Variants in LBHD1 observed in about 807,000 individuals in gnomAD.
LBHD1 encodes the protein LBH domain-containing protein 1.
Under a neutral mutation model 31.1 loss-of-function variants are expected in LBHD1, and 28 were observed. The observed-to-expected ratio is 0.90, with a 90% CI of 0.67 to 1.24. The LOEUF (loss-of-function observed/expected upper bound fraction) is 1.24, where lower values mean the gene tolerates loss of function less well. LBHD1 is among the 50% of genes most tolerant of loss of function. LBHD1 has a pLI of 0.00. For synonymous variants in LBHD1, 105 were observed against 116.5 expected (o/e 0.90, Z 0.63); for missense variants, 350 against 323.0 (o/e 1.08, Z -0.64).
At chr11:62,663,464 T>C (rs897278560) in intron 5 of LBHD1, 131 bp from the exon 6 acceptor site, 14 of 893,174 alleles carry the variant, frequency 1.6e-5, no homozygotes, top group Non-Finnish European at 2.2e-5. Context: ...CCCAGCACTT[T>C]GGGAGGCCGA....
chr11:62,666,923 G>A (rs778115690), intron 4 of LBHD1: 2 of 1,613,872 alleles, frequency 1.2e-6, no homozygotes, highest in African/African-American at 1.3e-5. Context: ...TCAGTTCTCA[G>A]ATGAGGACCC....
chr11:62,670,312 G>A (rs1216900464), intron 1 of LBHD1: 1 of 439,328 alleles, frequency 2.3e-6, no homozygotes, highest in Non-Finnish European at 4.0e-6. Flanking sequence ...TAACCAACTT[G>A]GAATTTCCTG....
intron 4 of LBHD1, chr11:62,665,361 G>T (rs903471172): frequency 3.3e-6 from 3 of 918,334 alleles, no homozygotes; most frequent in Non-Finnish European, 5.0e-6. Flanking sequence ...GTAGTAGCCA[G>T]ATTGGGCGGC....
intron 4 of LBHD1, chr11:62,665,665 C>T (rs1429262249): frequency 8.8e-6 from 13 of 1,469,878 alleles, no homozygotes; most frequent in African/African-American, 2.8e-5. Flanking sequence ...ACGCTGTATA[C>T]CCTCCTCCAC....
rs76961944 is a variant in LBHD1, at chr11:62,666,322, G to C, written c.538+1201C>G. ...GAGACCCTGTCTCAAAAAAAAAAAA[G>C]ACGCCAGTGTGTATATACGACGTTT... On this transcript the variant is annotated intron_variant, in intron 4 of 6. Transcript: ENST00000354588. 2.2e-6 allele frequency: 3 copies of C among 1,385,680 alleles called. No individual in the cohort carries two copies. The Admixed American group carries it at 5.5e-5, about 25-fold the overall frequency. The allele number at this position is 1,385,680 out of a possible 1,614,324, so 85.8% of individuals were successfully genotyped here.
chr11:62,668,128 T>G (rs898641431), intron 3 of LBHD1: 4 of 185,444 alleles, frequency 2.2e-5, no homozygotes, highest in African/African-American at 7.1e-5. Context: ...CTCAATTTTC[T>G]CATTTATAAA....
At chr11:62,671,393 T>C in intron 1 of LBHD1, 171 bp downstream of exon 1, 1 of 1,264,506 alleles carries the variant, frequency 7.9e-7, no homozygotes, top group South Asian at 1.3e-5. Flanking sequence ...GGGCCTCTAC[T>C]GATCGGGAAA....
At chr11:62,670,346 C>T (rs1008269132) in intron 1 of LBHD1, 5 of 360,606 alleles carry the variant, frequency 1.4e-5, no homozygotes, top group Non-Finnish European at 2.5e-5. Flanking sequence ...CTGATTTTTC[C>T]CAACCTGGTA....
At chr11:62,667,845 C>T (rs1944860921) in intron 3 of LBHD1, 98 bp from the exon 4 acceptor site, 2 of 841,502 alleles carry the variant, frequency 2.4e-6, no homozygotes, top group Admixed American at 2.3e-5. Flanking sequence ...AATCACAGCA[C>T]TTTGGGAGGC....
In LBHD1 at chr11:62,669,816, A is replaced by C; in HGVS notation, c.151-13T>G. On this transcript the variant is annotated splice_polypyrimidine_tract_variant and intron_variant, in intron 2 of 6. Coordinates refer to ENST00000354588, the MANE Select transcript of LBHD1 (RefSeq NM_024099.5). ...TTTGAGAGAAATCCTGAATAGGGACAGCAGGGAGGTTGGGCCAAACTGGAG... is the reference window on the plus strand; with the variant it reads ...TTTGAGAGAAATCCTGAATAGGGACCGCAGGGAGGTTGGGCCAAACTGGAG... 1 of 1,614,222 alleles carries C rather than the reference A, an allele frequency of 6.2e-7. No homozygotes were observed. The highest frequency in any genetic ancestry group is 8.5e-7 in the Non-Finnish European group (1 of 1,180,020).
intron 4 of LBHD1, chr11:62,666,238 A>G: frequency 1.2e-6 from 1 of 805,598 alleles, no homozygotes; most frequent in Non-Finnish European, 2.0e-6. Flanking sequence ...CAGGAGGCTG[A>G]GGTGGAGGCT....
chr11:62,665,314 T>G (rs916179481), intron 4 of LBHD1: 1 of 728,422 alleles, frequency 1.4e-6, no homozygotes, highest in Non-Finnish European at 2.3e-6. Flanking sequence ...CGGGAGGCCT[T>G]TCGGAGGGTG....
chr11:62,665,551 C>A (rs1357510809), intron 4 of LBHD1: 1 of 1,569,796 alleles, frequency 6.4e-7, no homozygotes, highest in African/African-American at 1.3e-5. Context: ...CTGGTTCTAT[C>A]CTCAAACGCC....
In LBHD1 at chr11:62,664,905, CA is replaced by C. The variant is rs1277823056; in HGVS notation, c.606del (p.Gly203ValfsTer88). 1 of 1,598,116 alleles carries C rather than the reference CA, an allele frequency of 6.3e-7. No homozygotes were observed. Among genetic ancestry groups the C allele is most frequent in the South Asian group, 1.1e-5 (1 of 88,900 alleles). ...GCCCTTGGTCTATCACAGCCCCGACCACCCGGTGCCTCAGACGCCGCTCCCG... is the reference window on the plus strand; with the variant it reads ...GCCCTTGGTCTATCACAGCCCCGACCCCCGGTGCCTCAGACGCCGCTCCCG... ...VESGAASEAP[G>X]GRGCDRPRAD... On this transcript the variant is annotated frameshift_variant, in exon 5 of 7. Coordinates refer to ENST00000354588, the MANE Select transcript of LBHD1 (RefSeq NM_024099.5). LOFTEE classifies it high-confidence loss of function.
intron 4 of LBHD1, chr11:62,666,398 T>C: frequency 1.2e-6 from 2 of 1,608,650 alleles, no homozygotes; most frequent in South Asian, 1.1e-5. Context: ...GCCCACAGGC[T>C]CACTGGCTGA....
Position 62,669,713 on chromosome 11 carries a change from C to A in LBHD1, c.241G>T (p.Glu81Ter), listed in dbSNP as rs1440608623. 3.7e-6 allele frequency: 6 copies of A among 1,614,006 alleles called. No individual in the cohort carries two copies. Among genetic ancestry groups the A allele is most frequent in the Non-Finnish European group, 5.1e-6 (6 of 1,180,030 alleles). Residue 81 changes from glutamate (E) to a stop codon, truncating the protein, a stop_gained, in exon 3 of 7, where the codon GAG becomes TAG. Transcript: ENST00000354588. LOFTEE classifies it high-confidence loss of function. ...TCACCATCAGTGAGCAGCAGCAGCT[C>A]CTCATGGGGCAAATGGAGATCCCCA... ...ESGDLHLPHEELLLLTDGEEE... is the reference protein window; with the variant it reads ...ESGDLHLPHE
chr11:62,671,132 C>T (rs1013417560), intron 1 of LBHD1: 7 of 348,832 alleles, frequency 2.0e-5, no homozygotes, highest in Non-Finnish European at 1.1e-5. Context: ...CACACACTAA[C>T]AACAACAACA....
At chr11:62,666,798 T>A (rs1197758878) in intron 4 of LBHD1, 1 of 1,614,096 alleles carries the variant, frequency 6.2e-7, no homozygotes, top group East Asian at 2.2e-5. Context: ...TCAGGCTCTT[T>A]CCAACTACTG....
Position 62,671,695 on chromosome 11 carries a change from T to C in LBHD1, c.-142A>G. The stretch of plus-strand genomic sequence containing the variant: ...GGTAGTGAGACCGCGCGGCAACAGC[T>C]TGCGGCTGCGGGGAGCTCCCGTGGG... On this transcript the variant is annotated 5_prime_UTR_variant, in exon 1 of 7. Coordinates refer to ENST00000354588, the MANE Select transcript of LBHD1 (RefSeq NM_024099.5). 2 of 1,603,460 alleles carry C rather than the reference T, an allele frequency of 1.2e-6. No individual in the cohort carries two copies. Among genetic ancestry groups the C allele is most frequent in the Non-Finnish European group, 1.7e-6 (2 of 1,174,846 alleles).
Sources: gnomAD v4.1 joint callset for allele counts on GRCh38, gnomAD v4.1.1 for gene constraint, MANE v1.5 for transcripts, NCBI Gene and HGNC (gene_info 2026-07-23, HGNC 2026-07-21) for gene names.